The following SEC61A2 variants were observed in gnomAD, a reference collection of about 807,000 sequenced individuals.
The protein encoded by SEC61A2 is protein transport protein Sec61 subunit alpha isoform 2.
A neutral mutation model predicts 59.9 loss-of-function variants in SEC61A2; 28 were observed. The ratio of observed to expected loss-of-function variants is 0.47; its 90% CI spans 0.35 to 0.64. The LOEUF (loss-of-function observed/expected upper bound fraction) is 0.64. Ranked by LOEUF, SEC61A2 falls within the 30% of genes least tolerant of loss-of-function variation. SEC61A2 has a pLI of 0.01. For missense variants in SEC61A2, 340 were observed against 585.9 expected (o/e 0.58, Z 4.33); for synonymous variants, 202 against 214.4 (o/e 0.94, Z 0.50).
chr10:12,137,791 G>T (rs1399996501), intron 3 of SEC61A2, among the ~76,000 whole-genome samples: 1 of 152,112 alleles, frequency 6.6e-6, no homozygotes, highest in Non-Finnish European at 1.5e-5. Context: ...AGGATTACTT[G>T]ACGTCAGGAG....
In SEC61A2 at chr10:12,162,487, T is replaced by A. The variant is rs774762251; in HGVS notation, c.1244+198T>A. On this transcript the variant is annotated intron_variant, in intron 11 of 11. Coordinates refer to ENST00000298428, the MANE Select transcript of SEC61A2 (RefSeq NM_018144.4). The surrounding 1 kb of genome is among the most constrained non-coding windows in gnomAD (Gnocchi z 6.1). ...TTCATTGAAATTGTGAGCACTGCTC[T>A]GCTCATCCCAGTGATAAAATCTTGC... 1 of 739,224 alleles carries A rather than the reference T, an allele frequency of 1.4e-6. No individual in the cohort carries two copies. Among genetic ancestry groups the A allele is most frequent in the Non-Finnish European group, 2.5e-6 (1 of 400,548 alleles). The allele number at this position is 739,224 out of a possible 1,614,324, so 45.8% of individuals were successfully genotyped here.
Position 12,158,500 on chromosome 10 carries a change from G to T in SEC61A2, c.975+395G>T, listed in dbSNP as rs1428373133. Among the ~76,000 whole-genome samples the T allele has an allele frequency of 2.0e-5, 3 of 152,160 alleles. No individual in the cohort carries two copies. Among genetic ancestry groups the T allele is most frequent in the African/African-American group, 7.2e-5 (3 of 41,442 alleles). ...AATCCCAGGACTTTGGGAGGCTGAG[G>T]TGGGTGGATCACCTGAGGTCAGGAG... On this transcript the variant is annotated intron_variant, in intron 9 of 11. Transcript: ENST00000298428. This position sits in a 1 kb window ranked among gnomAD's most constrained non-coding sequence, Gnocchi z 5.7.
At chr10:12,134,303 G>A (rs1329206411) in intron 2 of SEC61A2, among the ~76,000 whole-genome samples, 1 of 152,178 alleles carries the variant, frequency 6.6e-6, no homozygotes, top group Non-Finnish European at 1.5e-5. Flanking sequence ...CACCGCGCCC[G>A]GCTAGAAGTA....
rs1316142768 is a variant in SEC61A2, at chr10:12,149,801, T to C, written c.353-51T>C. ...TGGTAAAGATGTTTTCTCTAGTCTT[T>C]TCTTGTCTTTGGTGGTAAGCGTGCT... On this transcript the variant is annotated intron_variant, in intron 5 of 11. Coordinates refer to ENST00000298428, the MANE Select transcript of SEC61A2 (RefSeq NM_018144.4). The surrounding 1 kb of genome is among the most constrained non-coding windows in gnomAD (Gnocchi z 5.2). The C allele has an allele frequency of 9.3e-6, 15 of 1,607,546 alleles. No homozygotes were observed. The highest frequency in any genetic ancestry group is 1.3e-5 in the Non-Finnish European group (15 of 1,175,918).
intron 3 of SEC61A2, among the ~76,000 whole-genome samples, chr10:12,138,657 A>C (rs1833941885): frequency 6.6e-6 from 1 of 152,224 alleles, no homozygotes; most frequent in Non-Finnish European, 1.5e-5. Flanking sequence ...TAACTTCATA[A>C]TCTTTTTGAG....
Position 12,157,892 on chromosome 10 carries a change from C to T in SEC61A2, c.778-16C>T. On this transcript the variant is annotated splice_polypyrimidine_tract_variant and intron_variant, in intron 8 of 11. Transcript: ENST00000298428. Reference sequence around the variant, plus strand: ...TGTGTCTGGCTCCCCCACTTACTCTCCGTTTCCTTTTTTAGGGATTTCGCG... The same window carrying T: ...TGTGTCTGGCTCCCCCACTTACTCTTCGTTTCCTTTTTTAGGGATTTCGCG... The T allele has an allele frequency of 6.2e-7, 1 of 1,613,444 alleles. No individual in the cohort carries two copies. Among genetic ancestry groups the T allele is most frequent in the Non-Finnish European group, 8.5e-7 (1 of 1,179,428 alleles).
chr10:12,169,906 T>A (rs554785750), downstream of SEC61A2: 2 of 481,050 alleles, frequency 4.2e-6, no homozygotes, highest in Non-Finnish European at 7.4e-6. This position sits in a 1 kb window ranked among gnomAD's most constrained non-coding sequence, Gnocchi z 4.8. Context: ...AGTAGAAAAA[T>A]CAGTTATCAA....
intron 3 of SEC61A2, among the ~76,000 whole-genome samples, chr10:12,139,739 G>A (rs1016686126): frequency 4.6e-5 from 7 of 151,504 alleles, no homozygotes; most frequent in Non-Finnish European, 1.0e-4. Context: ...AGCTGAGATC[G>A]AGCCACTGCA....
Position 12,138,236 on chromosome 10 carries a change from T to A in SEC61A2, c.141+2066T>A, listed in dbSNP as rs1833932389. Among the ~76,000 whole-genome samples, 3 of 152,160 alleles carry A rather than the reference T, an allele frequency of 2.0e-5. No individual in the cohort carries two copies. The South Asian group carries it at 6.2e-4, about 32-fold the overall frequency. The stretch of plus-strand genomic sequence containing the variant: ...AGTACTTTTACTACTGTACTTGTTT[T>A]AAATTTGTTTTAAATGGTCAGGGAG... On this transcript the variant is annotated intron_variant, in intron 3 of 11. Transcript: ENST00000298428.
At chr10:12,163,385 C>A (rs1036653759) in intron 11 of SEC61A2, among the ~76,000 whole-genome samples, 5 of 149,502 alleles carry the variant, frequency 3.3e-5, no homozygotes, top group African/African-American at 1.2e-4. Flanking sequence ...AGTGCAGTGG[C>A]ACCGTCTTGG....
intron 2 of SEC61A2, among the ~76,000 whole-genome samples, chr10:12,133,948 A>G (rs1256354842): frequency 1.3e-5 from 2 of 152,232 alleles, no homozygotes; most frequent in African/African-American, 4.8e-5. Flanking sequence ...ACTAACAGGA[A>G]TAGGGACATA....
Position 12,156,047 on chromosome 10 carries a change from G to A in SEC61A2, c.616+116G>A. 9.7e-7 allele frequency: 1 copy of A among 1,026,792 alleles called. No individual in the cohort carries two copies. Among genetic ancestry groups the A allele is most frequent in the Admixed American group, 2.1e-5 (1 of 46,680 alleles). The allele number at this position is 1,026,792 out of a possible 1,614,324, so 63.6% of individuals were successfully genotyped here. On this transcript the variant is annotated intron_variant, in intron 7 of 11. Coordinates refer to ENST00000298428, the MANE Select transcript of SEC61A2 (RefSeq NM_018144.4). This position sits in a 1 kb window ranked among gnomAD's most constrained non-coding sequence, Gnocchi z 5.2. ...TCTGGTTTGCTCTCCTAGGGGATAA[G>A]GAATGCGAATTCTTCAAAACTTAAT...
At position 12,129,938 on chromosome 10, in the gene SEC61A2, G is replaced by T. The variant is rs1305165545; in HGVS notation, c.7+144G>T. 1 of 714,182 alleles carries T rather than the reference G, an allele frequency of 1.4e-6. No individual in the cohort carries two copies. The highest frequency in any genetic ancestry group is 4.4e-5 in the Admixed American group (1 of 22,498). The allele number at this position is 714,182 out of a possible 1,614,324, so 44.2% of individuals were successfully genotyped here. On this transcript the variant is annotated intron_variant, in intron 1 of 11. Transcript: ENST00000298428. The surrounding 1 kb of genome is among the most constrained non-coding windows in gnomAD (Gnocchi z 5.6). ...CGGGCCTCAGCGGAGGGCACGGGCC[G>T]GGGGCCTCCGCCGAGGCTCCCCTAG...
intron 4 of SEC61A2, among the ~76,000 whole-genome samples, chr10:12,148,455 G>T (rs1834196716): frequency 6.6e-6 from 1 of 151,136 alleles, no homozygotes. Flanking sequence ...ATGTTGGTCA[G>T]GCTGGTCTCG....
intron 1 of SEC61A2, among the ~76,000 whole-genome samples, chr10:12,132,237 G>A (rs990586060): frequency 6.6e-6 from 1 of 151,330 alleles, no homozygotes; most frequent in Non-Finnish European, 1.5e-5. Flanking sequence ...GGGGGCGGAG[G>A]TTGCAGTGAG....
rs1034399341 is a variant in SEC61A2 at position 12,153,918 on chromosome 10, T to A, written c.463-1860T>A. 17 of 1,071,874 alleles carry A rather than the reference T, an allele frequency of 1.6e-5. No homozygotes were observed. Among genetic ancestry groups the A allele is most frequent in the Non-Finnish European group, 2.1e-5 (16 of 776,344 alleles). The allele number at this position is 1,071,874 out of a possible 1,614,324, so 66.4% of individuals were successfully genotyped here. On this transcript the variant is annotated intron_variant, in intron 6 of 11. Transcript: ENST00000298428. The surrounding 1 kb of genome is among the most constrained non-coding windows in gnomAD (Gnocchi z 5.2). ...TTTTCAGCTAGTGAGTTTAGAAATC[T>A]ACATAGCAGGTCTTGACTAAAAATT...
At chr10:12,136,077 T>G (rs1391510008) in intron 2 of SEC61A2, 28 bp from the exon 3 acceptor site, 1 of 1,532,394 alleles carries the variant, frequency 6.5e-7, no homozygotes. Context: ...TGGTTTTGAT[T>G]GATGATTCTT....
Position 12,152,586 on chromosome 10 carries a change from C to G in SEC61A2, c.462+2625C>G, listed in dbSNP as rs1834301525. On this transcript the variant is annotated intron_variant, in intron 6 of 11. Coordinates refer to ENST00000298428, the MANE Select transcript of SEC61A2 (RefSeq NM_018144.4). The surrounding 1 kb of genome is among the most constrained non-coding windows in gnomAD (Gnocchi z 5.5). ...ACCAGTCTGGGCAACATGGTGAAAC[C>G]CTGTCTCTACTAAAAACACAAAAAT... Among the ~76,000 whole-genome samples the G allele has an allele frequency of 6.6e-6, 1 of 151,832 alleles. No individual in the cohort carries two copies. The highest frequency in any genetic ancestry group is 2.1e-4 in the South Asian group (1 of 4,802).
chr10:12,141,639 G>C (rs536031806), intron 3 of SEC61A2, among the ~76,000 whole-genome samples: 3 of 152,148 alleles, frequency 2.0e-5, no homozygotes, highest in Non-Finnish European at 4.4e-5. Context: ...GATTTAAAAA[G>C]ATATCTCCTC....
Sources: gnomAD v4.1 joint callset for allele counts (sites outside exome capture counted in the v4.1 genomes callset) on GRCh38, gnomAD v4.1.1 for gene constraint, Gnocchi (gnomAD v3.1) non-coding constraint, MANE v1.5 for transcripts, NCBI Gene and HGNC (gene_info 2026-07-23, HGNC 2026-07-21) for gene names.